Variants in PPARA observed in about 807,000 individuals in gnomAD.
PPARA encodes the protein peroxisome proliferator-activated receptor alpha.
PPARA carries 22 observed loss-of-function variants against 42.2 expected under a neutral mutation model. The observed-to-expected ratio is 0.52, with a 90% confidence interval of 0.37 to 0.74. The LOEUF (loss-of-function observed/expected upper bound fraction) is 0.74. Among genes scored for constraint, PPARA ranks in the 30% least tolerant of loss-of-function variants. The pLI is 0.00. For missense variants in PPARA, 465 were observed against 608.2 expected, an observed-to-expected ratio of 0.76 and a Z score of 2.48; for synonymous variants, 242 against 239.3, an observed-to-expected ratio of 1.01 and a Z score of -0.10.
Position 46,214,306 on chromosome 22 carries a change from G to A in PPARA, c.209-867G>A, listed in dbSNP as rs1292581303. 2.0e-5 allele frequency among the ~76,000 whole-genome samples: 3 copies of A among 151,242 alleles called. No homozygotes were observed. In the East Asian group the frequency reaches 5.9e-4, roughly 30 times the overall value. On this transcript the variant is annotated intron_variant, in intron 4 of 8. Coordinates refer to ENST00000407236, the MANE Select transcript of PPARA (RefSeq NM_005036.6). ...GGAGATGTGCGGGCCCGAGATGTGCGGGTCCGATGTGTGGGTCCGGAGATG... is the reference window on the plus strand; with the variant it reads ...GGAGATGTGCGGGCCCGAGATGTGCAGGTCCGATGTGTGGGTCCGGAGATG...
chr22:46,170,449 A>G (rs1278613276), intron 2 of PPARA, among the ~76,000 whole-genome samples: 1 of 113,162 alleles, frequency 8.8e-6, no homozygotes, highest in Non-Finnish European at 1.7e-5. Context: ...GGGTTTTGTC[A>G]TATCACCCAG....
At chr22:46,228,145 C>T (rs1015592213) in intron 7 of PPARA, among the ~76,000 whole-genome samples, 2 of 152,222 alleles carry the variant, frequency 1.3e-5, no homozygotes, top group Non-Finnish European at 2.9e-5. Flanking sequence ...GCCTCAGGGG[C>T]ATGCAAGCTG....
chr22:46,183,268 C>A lies in PPARA; in HGVS notation c.-43+6432C>A, dbSNP rs886235439. On this transcript the variant is annotated intron_variant, in intron 3 of 8. Coordinates refer to ENST00000407236, the MANE Select transcript of PPARA (RefSeq NM_005036.6). This position sits in a 1 kb window ranked among gnomAD's most constrained non-coding sequence, Gnocchi z 5.5. ...AAGAGTTCAGGTAATCCTCACATTG[C>A]AATTTGTCATTAGTTTAAACTTCCA... Among the ~76,000 whole-genome samples, 2 of 152,220 alleles carry A rather than the reference C, an allele frequency of 1.3e-5. No individual in the cohort carries two copies. Among genetic ancestry groups the A allele is most frequent in the Middle Eastern group, 3.2e-3 (1 of 316 alleles).
chr22:46,227,672 G>T lies in PPARA; in HGVS notation c.712-4120G>T, dbSNP rs551712660. 6.6e-5 allele frequency among the ~76,000 whole-genome samples: 10 copies of T among 152,338 alleles called. No homozygotes were observed. The highest frequency in any genetic ancestry group is 1.2e-4 in the African/African-American group (5 of 41,582). The stretch of plus-strand genomic sequence containing the variant: ...CGGGACCAGTGTGGCAGCAAGCGGG[G>T]CGTTCTGCTCTCGGCATGGAGTGAT... On this transcript the variant is annotated intron_variant, in intron 7 of 8. Transcript: ENST00000407236. The surrounding 1 kb of genome is among the most constrained non-coding windows in gnomAD (Gnocchi z 4.3).
chr22:46,231,993 C>T lies in PPARA; in HGVS notation c.913C>T (p.Gln305Ter), dbSNP rs750003622. ...CTTCGCAAACTTGGACCTGAACGAT[C>T]AAGTGACATTGCTAAAATACGGAGT... ...PGFANLDLNDQVTLLKYGVYE... is the reference protein window; with the variant it reads ...PGFANLDLND The change falls in exon 8 of 9, where the codon CAA becomes TAA. Residue 305 changes from glutamine to a stop codon, truncating the protein, a stop_gained. Coordinates refer to ENST00000407236, the MANE Select transcript of PPARA (RefSeq NM_005036.6). LOFTEE classifies it high-confidence loss of function. This position sits in a 1 kb window ranked among gnomAD's most constrained non-coding sequence, Gnocchi z 7.7. The T allele has an allele frequency of 6.2e-7, 1 of 1,614,210 alleles. No individual in the cohort carries two copies. The highest frequency in any genetic ancestry group is 8.5e-7 in the Non-Finnish European group (1 of 1,180,040).
Position 46,200,448 on chromosome 22 carries a change from C to A in PPARA, c.208+1857C>A, listed in dbSNP as rs928926818. Among the ~76,000 whole-genome samples the A allele has an allele frequency of 2.0e-5, 3 of 152,212 alleles. No homozygotes were observed. Among genetic ancestry groups the A allele is most frequent in the Non-Finnish European group, 2.9e-5 (2 of 68,038 alleles). On this transcript the variant is annotated intron_variant, in intron 4 of 8. Coordinates refer to ENST00000407236, the MANE Select transcript of PPARA (RefSeq NM_005036.6). This position sits in a 1 kb window ranked among gnomAD's most constrained non-coding sequence, Gnocchi z 4.8. ...CTGAACGGCGTAGGCCCCTGTGACA[C>A]AATGGTAAGTATTTGTGCGTCTAAA...
chr22:46,231,827 G>A lies in PPARA; in HGVS notation c.747G>A (p.Met249Ile). 1 of 1,613,888 alleles carries A rather than the reference G, an allele frequency of 6.2e-7. No homozygotes were observed. The highest frequency in any genetic ancestry group is 1.1e-5 in the South Asian group (1 of 91,056). The change falls in exon 8 of 9, where the codon ATG becomes ATA. Residue 249 changes from methionine (M) to isoleucine (I), a missense_variant. Physicochemically the swap from Met to Ile is conservative, Grantham distance 10 (BLOSUM62 1). Around this residue, in one of 2 missense-constraint regions of PPARA, gnomAD observed 313 missense variants for 469.1 expected, o/e 0.67. Transcript: ENST00000407236. This position sits in a 1 kb window ranked among gnomAD's most constrained non-coding sequence, Gnocchi z 7.7. ...TACATGATATGGAGACACTGTGTAT[G>A]GCTGAGAAGACGCTGGTGGCCAAGC... ...FVIHDMETLC[M>I]AEKTLVAKLV... is the part of the protein sequence containing the mutation.
intron 3 of PPARA, among the ~76,000 whole-genome samples, 173 bp from the exon 4 acceptor site, chr22:46,198,169 C>T (rs1210338117): frequency 2.9e-5 from 4 of 136,770 alleles, no homozygotes; most frequent in Admixed American, 7.9e-5. Flanking sequence ...ACCCGGGAGG[C>T]GGAGCTTGCA....
intron 4 of PPARA, among the ~76,000 whole-genome samples, chr22:46,199,699 T>A (rs1197761154): frequency 6.6e-6 from 1 of 152,170 alleles, no homozygotes. Flanking sequence ...TGAATATTTT[T>A]ATGATCCAAT....
rs549459173 is a variant in PPARA at position 46,166,423 on chromosome 22, G to C, written c.-126-10330G>C. On this transcript the variant is annotated intron_variant, in intron 2 of 8. Coordinates refer to ENST00000407236, the MANE Select transcript of PPARA (RefSeq NM_005036.6). ...ATTTGGGGTCAGGAGTTTGAGACCA[G>C]CCTGGCCAACATGGTGAAACCCCAT... Among the ~76,000 whole-genome samples, 3 of 152,176 alleles carry C rather than the reference G, an allele frequency of 2.0e-5. No homozygotes were observed. The South Asian group carries it at 6.2e-4, about 32-fold the overall frequency.
chr22:46,153,081 G>A (rs1346624512), intron 2 of PPARA, among the ~76,000 whole-genome samples: 4 of 151,194 alleles, frequency 2.6e-5, no homozygotes, highest in East Asian at 1.9e-4. Context: ...GCGAGACTCC[G>A]TCTCAAAAAT....
At position 46,156,266 on chromosome 22, in the gene PPARA, G is replaced by C. The variant is rs545019342; in HGVS notation, c.-127+4296G>C. On this transcript the variant is annotated intron_variant, in intron 2 of 8. Coordinates refer to ENST00000407236, the MANE Select transcript of PPARA (RefSeq NM_005036.6). This position sits in a 1 kb window ranked among gnomAD's most constrained non-coding sequence, Gnocchi z 5.2. ...CTGCCTGCCAGGCCTGGAGACCTTTGTTCTCTTCTTTAAACTGCTGCTTTC... is the reference window on the plus strand; with the variant it reads ...CTGCCTGCCAGGCCTGGAGACCTTTCTTCTCTTCTTTAAACTGCTGCTTTC... 2 of 152,332 alleles carry C rather than the reference G, an allele frequency of 1.3e-5. No homozygotes were observed. The highest frequency in any genetic ancestry group is 4.1e-4 in the South Asian group (2 of 4,834). 9.4% of individuals were successfully genotyped at this position (152,332 alleles called of 1,614,324 possible).
rs566056697 is a variant in PPARA, at chr22:46,173,815, C to T, written c.-126-2938C>T. 5.9e-5 allele frequency among the ~76,000 whole-genome samples: 9 copies of T among 152,244 alleles called. No homozygotes were observed. The highest frequency in any genetic ancestry group is 1.2e-4 in the African/African-American group (5 of 41,542). ...GGAGCACACTGCCATTCTTAGCAAA[C>T]GTGTAGTTTAGTATTTAGGAGAAAG... is the stretch of plus-strand genomic sequence containing the variant. On this transcript the variant is annotated intron_variant, in intron 2 of 8. Transcript: ENST00000407236. The surrounding 1 kb of genome is among the most constrained non-coding windows in gnomAD (Gnocchi z 4.3).
At chr22:46,194,893 CTTTT>C (rs1161037504) in intron 3 of PPARA, among the ~76,000 whole-genome samples, 2 of 116,044 alleles carry the variant, frequency 1.7e-5, no homozygotes, top group Non-Finnish European at 3.7e-5. Flanking sequence ...TGTTTTCTTT[CTTTT>C]TTTTTTTTTT....
Position 46,216,104 on chromosome 22 carries a change from C to T in PPARA, c.369+771C>T, listed in dbSNP as rs4253741. Among the ~76,000 whole-genome samples the T allele has an allele frequency of 0.01, 1,532 of 152,194 alleles. 25 individuals carry two copies. The highest frequency in any genetic ancestry group is 0.035 in the African/African-American group (1,451 of 41,528). On this transcript the variant is annotated intron_variant, in intron 5 of 8. Coordinates refer to ENST00000407236, the MANE Select transcript of PPARA (RefSeq NM_005036.6). This position sits in a 1 kb window ranked among gnomAD's most constrained non-coding sequence, Gnocchi z 4.5. Reference sequence around the variant, plus strand: ...TAAAAGAAAATAAGTCACATTGGACCGGGTGCAGTGGCTCACGCCTATAAT... The same window carrying T: ...TAAAAGAAAATAAGTCACATTGGACTGGGTGCAGTGGCTCACGCCTATAAT...
chr22:46,228,403 G>T (rs1935621307), intron 7 of PPARA, among the ~76,000 whole-genome samples: 1 of 152,110 alleles, frequency 6.6e-6, no homozygotes, highest in Admixed American at 6.5e-5. Context: ...GGCGTGGTTG[G>T]TGGGTGCCTG....
chr22:46,215,022 C>G (rs951444925), intron 4 of PPARA, 151 bp from the exon 5 acceptor site: 27 of 915,832 alleles, frequency 2.9e-5, no homozygotes, highest in Admixed American at 4.0e-5. Context: ...AGGGTGTGAC[C>G]CAGAGGCAGG....
intron 3 of PPARA, among the ~76,000 whole-genome samples, chr22:46,179,610 C>G (rs1414296717): frequency 1.3e-5 from 2 of 151,810 alleles, no homozygotes; most frequent in East Asian, 3.9e-4. Flanking sequence ...TATAAAACTT[C>G]TAGAAGAAAA....
At chr22:46,153,710 T>C (rs1366378309) in intron 2 of PPARA, among the ~76,000 whole-genome samples, 1 of 151,968 alleles carries the variant, frequency 6.6e-6, no homozygotes, top group Non-Finnish European at 1.5e-5. Context: ...AATACAAAAA[T>C]TAGCTGGGCA....
Sources: gnomAD v4.1 joint callset for allele counts (sites outside exome capture counted in the v4.1 genomes callset) on GRCh38, gnomAD v4.1.1 for gene constraint, gnomAD v4.1.1 regional missense constraint, Gnocchi (gnomAD v3.1) non-coding constraint, MANE v1.5 for transcripts, NCBI Gene and HGNC (gene_info 2026-07-23, HGNC 2026-07-21) for gene names.